EGLN1: variants seen among roughly 807,000 people sequenced by gnomAD.
EGLN1 encodes the protein egl-9 family hypoxia inducible factor 1.
In EGLN1, 17 loss-of-function variants were observed where a neutral mutation model predicts 38.3. That is an observed-to-expected ratio of 0.44 (90% CI 0.30 to 0.67). EGLN1 has a LOEUF of 0.67. EGLN1 is among the 30% of genes least tolerant of loss of function. The pLI is 0.08. For synonymous variants in EGLN1, 283 were observed against 257.5 expected (o/e 1.10, Z -0.95); for missense variants, 477 against 603.3 (o/e 0.79, Z 2.19).
chr1:231,371,336 T>TA (rs1285765000), intron 2 of EGLN1, among the ~76,000 whole-genome samples: 1 of 152,188 alleles, frequency 6.6e-6, no homozygotes, highest in Non-Finnish European at 1.5e-5. Context: ...TTCAAATAGA[T>TA]AGATTTCAAG....
chr1:231,412,015 A>G (rs1008716583), intron 1 of EGLN1, among the ~76,000 whole-genome samples: 3 of 69,066 alleles, frequency 4.3e-5, no homozygotes. Context: ...CCATCTCAAA[A>G]AAAAAAAAAA....
At chr1:231,410,723 A>G (rs556251472) in intron 1 of EGLN1, among the ~76,000 whole-genome samples, 1 of 152,124 alleles carries the variant, frequency 6.6e-6, no homozygotes, top group South Asian at 2.1e-4. Context: ...TTGAGGAAAA[A>G]AAGAAAACTG....
At chr1:231,406,221 C>CA in intron 1 of EGLN1, among the ~76,000 whole-genome samples, 1 of 149,148 alleles carries the variant, frequency 6.7e-6, no homozygotes, top group East Asian at 2.0e-4. Context: ...CAAGGAAAAA[C>CA]AAAAATGCAA....
At chr1:231,382,349 T>C (rs1341600356) in intron 1 of EGLN1, among the ~76,000 whole-genome samples, 1 of 152,184 alleles carries the variant, frequency 6.6e-6, no homozygotes, top group Non-Finnish European at 1.5e-5. Context: ...CCTGGAGCAC[T>C]TAGTTAACAT....
intron 1 of EGLN1, among the ~76,000 whole-genome samples, chr1:231,413,218 G>A (rs1166822125): frequency 6.6e-6 from 1 of 152,064 alleles, no homozygotes; most frequent in African/African-American, 2.4e-5. Context: ...TGGGACTACA[G>A]GCGGATGTCA....
chr1:231,373,691 T>C (rs989005470), intron 2 of EGLN1, among the ~76,000 whole-genome samples: 1 of 138,470 alleles, frequency 7.2e-6, no homozygotes, highest in Non-Finnish European at 1.6e-5. Flanking sequence ...TGTGTGTGTG[T>C]GTGTGTGTGT....
intron 1 of EGLN1, among the ~76,000 whole-genome samples, chr1:231,398,476 T>C (rs927079496): frequency 6.6e-6 from 1 of 152,244 alleles, no homozygotes; most frequent in Non-Finnish European, 1.5e-5. Flanking sequence ...CCACCCATTT[T>C]TGTAAATAAA....
chr1:231,392,203 C>T (rs567235439), intron 1 of EGLN1, among the ~76,000 whole-genome samples: 113 of 152,148 alleles, frequency 7.4e-4, no homozygotes, highest in East Asian at 2.3e-3. Context: ...AGGAGAATGG[C>T]GTGAACCTGG....
intron 4 of EGLN1, 30 bp downstream of exon 4, chr1:231,367,539 C>T: frequency 6.2e-7 from 1 of 1,607,912 alleles, no homozygotes; most frequent in Non-Finnish European, 8.5e-7. Context: ...ATTTCTGTAC[C>T]AATATATCCT....
At chr1:231,396,630 C>A (rs1688538244) in intron 1 of EGLN1, among the ~76,000 whole-genome samples, 1 of 152,106 alleles carries the variant, frequency 6.6e-6, no homozygotes, top group Admixed American at 6.6e-5. Flanking sequence ...AATCTCATGC[C>A]CACCCCAGTA....
chr1:231,367,437 TAAGA>T, intron 4 of EGLN1, 128 bp downstream of exon 4: 1 of 958,174 alleles, frequency 1.0e-6, no homozygotes, highest in Non-Finnish European at 1.6e-6. Context: ...ATGAGGCAAA[TAAGA>T]AATCTGATAA....
intron 1 of EGLN1, among the ~76,000 whole-genome samples, chr1:231,383,057 C>CAAAAAAAAAAAAAAAA (rs547747077): frequency 2.8e-5 from 2 of 70,562 alleles, no homozygotes; most frequent in African/African-American, 1.3e-4. Flanking sequence ...AACTCTGTCT[C>CAAAAAAAAAAAAAAAA]AAAAAAAAAA....
At chr1:231,385,750 G>A (rs1572029095) in intron 1 of EGLN1, among the ~76,000 whole-genome samples, 1 of 152,206 alleles carries the variant, frequency 6.6e-6, no homozygotes. Flanking sequence ...CACCATTTTT[G>A]TAGTACAGCT....
rs180963139 is a variant in EGLN1 at position 231,384,316 on chromosome 1, G to A, written c.892-10217C>T. On this transcript the variant is annotated intron_variant, in intron 1 of 4. Coordinates refer to ENST00000366641, the MANE Select transcript of EGLN1 (RefSeq NM_022051.3). ...AAGATACAAAGTTACTGCCTTCAGG[G>A]AACATTTATTCTAGCAGGAAAAGAA... Among the ~76,000 whole-genome samples the A allele has an allele frequency of 2.7e-3, 402 of 151,484 alleles. 3 individuals are homozygous for A. The highest frequency in any genetic ancestry group is 9.1e-3 in the African/African-American group (377 of 41,284).
Position 231,421,980 on chromosome 1 carries a change from G to A in EGLN1, c.-92C>T, listed in dbSNP as rs1401763050. On this transcript the variant is annotated 5_prime_UTR_variant, in exon 1 of 5. Coordinates refer to ENST00000366641, the MANE Select transcript of EGLN1 (RefSeq NM_022051.3). This position sits in a 1 kb window ranked among gnomAD's most constrained non-coding sequence, Gnocchi z 5.5. Reference sequence around the variant, plus strand: ...CGCCCGAGGCTGGGGAGCGGGGAGAGAGATAGGGGCCGTTACTGCGCCATG... The same window carrying A: ...CGCCCGAGGCTGGGGAGCGGGGAGAAAGATAGGGGCCGTTACTGCGCCATG... The A allele has an allele frequency of 3.9e-6, 5 of 1,278,758 alleles. No homozygotes were observed. Among genetic ancestry groups the A allele is most frequent in the Non-Finnish European group, 5.0e-6 (5 of 1,007,478 alleles). The allele number at this position is 1,278,758 out of a possible 1,614,324, so 79.2% of individuals were successfully genotyped here. A position where few individuals can be genotyped will look rare whatever the true frequency, so the allele number is the denominator to read the frequency against.
At chr1:231,413,051 T>C (rs1688992985) in intron 1 of EGLN1, among the ~76,000 whole-genome samples, 1 of 152,164 alleles carries the variant, frequency 6.6e-6, no homozygotes, top group Admixed American at 6.5e-5. Flanking sequence ...CTCCTTCCAC[T>C]AAAACCACAG....
chr1:231,391,518 A>G (rs369311330), intron 1 of EGLN1, among the ~76,000 whole-genome samples: 1 of 152,188 alleles, frequency 6.6e-6, no homozygotes, highest in Admixed American at 6.5e-5. Flanking sequence ...TTAAAAAAAT[A>G]TAATTGGCAC....
chr1:231,401,989 A>G (rs1688673919), intron 1 of EGLN1, among the ~76,000 whole-genome samples: 1 of 152,170 alleles, frequency 6.6e-6, no homozygotes, highest in African/African-American at 2.4e-5. Flanking sequence ...TCATCAATAT[A>G]TTTAATTTTA....
intron 1 of EGLN1, among the ~76,000 whole-genome samples, chr1:231,399,455 G>C (rs1688610974): frequency 6.6e-6 from 1 of 152,068 alleles, no homozygotes; most frequent in Admixed American, 6.6e-5. Context: ...CAAAACCAGA[G>C]AGAAATACTA....
Sources: gnomAD v4.1 joint callset for allele counts (sites outside exome capture counted in the v4.1 genomes callset) on GRCh38, gnomAD v4.1.1 for gene constraint, Gnocchi (gnomAD v3.1) non-coding constraint, MANE v1.5 for transcripts, NCBI Gene and HGNC (gene_info 2026-07-23, HGNC 2026-07-21) for gene names.